Variants in SHANK2 observed in about 807,000 individuals in gnomAD.
SHANK2 encodes the protein SH3 and multiple ankyrin repeat domains protein 2.
Under a neutral mutation model 133.7 loss-of-function variants are expected in SHANK2, and 43 were observed. The observed-to-expected ratio is 0.32, with a 90% CI of 0.25 to 0.41. The LOEUF (loss-of-function observed/expected upper bound fraction) is 0.41. SHANK2 is among the 10% of genes least tolerant of loss of function. The pLI, the probability that SHANK2 is intolerant of heterozygous loss-of-function variation, is 1.00. For missense variants in SHANK2, 1,994 were observed against 2,235.8 expected (o/e 0.89, Z 2.18); for synonymous variants, 1,017 against 952.8 (o/e 1.07, Z -1.24).
intron 10 of SHANK2, among the ~76,000 whole-genome samples, chr11:70,945,353 G>C (rs1486124696): frequency 2.6e-5 from 4 of 152,268 alleles, no homozygotes; most frequent in African/African-American, 9.6e-5. Flanking sequence ...GGAGGTGAAG[G>C]CAGAAGGCTG....
At chr11:71,108,832 C>A (rs1018318597) in intron 6 of SHANK2, among the ~76,000 whole-genome samples, 1 of 152,226 alleles carries the variant, frequency 6.6e-6, no homozygotes, top group Admixed American at 6.5e-5. Context: ...GCTTCTCCTG[C>A]TGCTCACAGC....
intron 17 of SHANK2, among the ~76,000 whole-genome samples, chr11:70,592,775 G>A (rs782285364): frequency 8.5e-5 from 13 of 152,068 alleles, no homozygotes; most frequent in African/African-American, 1.7e-4. Context: ...AGGCAGCTGC[G>A]GATTCCCATC....
intron 14 of SHANK2, among the ~76,000 whole-genome samples, chr11:70,713,366 C>T (rs1945836311): frequency 6.6e-6 from 1 of 152,254 alleles, no homozygotes; most frequent in African/African-American, 2.4e-5. Flanking sequence ...TTAAGAAGAA[C>T]ACGGGTTACA....
At chr11:70,570,727 TGGG>T in intron 17 of SHANK2, 1 of 150,912 alleles carries the variant, frequency 6.6e-6, no homozygotes. Flanking sequence ...GAGTGGGGAG[TGGG>T]GAGTGGGGAA....
chr11:70,902,641 T>G (rs1950040243), intron 10 of SHANK2, among the ~76,000 whole-genome samples: 1 of 151,966 alleles, frequency 6.6e-6, no homozygotes, highest in African/African-American at 2.4e-5. Context: ...AAGTTTTGTG[T>G]GATGAGGGCA....
At chr11:71,135,853 G>C (rs187151194) in intron 3 of SHANK2, among the ~76,000 whole-genome samples, 26 of 152,244 alleles carry the variant, frequency 1.7e-4, no homozygotes, top group Admixed American at 5.2e-4. Flanking sequence ...ACCACCCAAG[G>C]CCTCACCTAG....
intron 10 of SHANK2, among the ~76,000 whole-genome samples, chr11:70,947,196 G>A (rs1312181092): frequency 6.9e-6 from 1 of 145,902 alleles, no homozygotes; most frequent in East Asian, 2.0e-4. Context: ...CACTCGTGAC[G>A]TTTCAAGGTT....
intron 14 of SHANK2, among the ~76,000 whole-genome samples, chr11:70,768,636 T>C (rs888767732): frequency 9.2e-5 from 14 of 152,154 alleles, no homozygotes; most frequent in African/African-American, 2.9e-4. Flanking sequence ...CCCTGAGTTA[T>C]TTATCTTGCA....
chr11:71,253,233 T>C (rs1555126199), upstream of SHANK2, among the ~76,000 whole-genome samples: 1 of 152,166 alleles, frequency 6.6e-6, no homozygotes, highest in Non-Finnish European at 1.5e-5. Flanking sequence ...AATCCTGTTA[T>C]TATCCAGGAC....
At chr11:71,100,703 C>T (rs1355399306) in intron 6 of SHANK2, among the ~76,000 whole-genome samples, 1 of 151,982 alleles carries the variant, frequency 6.6e-6, no homozygotes, top group Non-Finnish European at 1.5e-5. Flanking sequence ...CCCGTCTCTA[C>T]TAAAAATACA....
chr11:70,472,905 G>A lies in SHANK2; in HGVS notation c.5514C>T (p.Asn1838=), dbSNP rs782392393. ...LGVTRVGHRM[N]IERALKQLLD... ...GCAGCTGTTTCAAAGCCCTTTCTAT[G>A]TTCATTCTGTGCCCGACTCGAGTTA... The change falls in exon 26 of 26, where the codon AAC becomes AAT. Residue 1838 remains asparagine, a synonymous_variant. Transcript: ENST00000601538. The surrounding 1 kb of genome is among the most constrained non-coding windows in gnomAD (Gnocchi z 4.4). 5.6e-6 allele frequency: 9 copies of A among 1,614,202 alleles called. No homozygotes were observed. Among genetic ancestry groups the A allele is most frequent in the Non-Finnish European group, 6.8e-6 (8 of 1,180,032 alleles).
intron 17 of SHANK2, among the ~76,000 whole-genome samples, chr11:70,573,034 C>G (rs550871685): frequency 1.3e-5 from 2 of 152,210 alleles, no homozygotes; most frequent in African/African-American, 2.4e-5. Flanking sequence ...TGTGGGCCAT[C>G]GACATGATGA....
At chr11:70,877,335 A>G (rs1243484048) in intron 11 of SHANK2, among the ~76,000 whole-genome samples, 1 of 152,212 alleles carries the variant, frequency 6.6e-6, no homozygotes, top group African/African-American at 2.4e-5. Context: ...CACATAAGCC[A>G]AGAGGCTTCC....
intron 17 of SHANK2, among the ~76,000 whole-genome samples, chr11:70,547,427 A>C (rs1355543495): frequency 2.0e-5 from 3 of 152,032 alleles, no homozygotes; most frequent in Non-Finnish European, 4.4e-5. Context: ...CACCTGGCTA[A>C]TTTTTGTGTT....
At chr11:70,799,291 G>A (rs553772708) in intron 13 of SHANK2, among the ~76,000 whole-genome samples, 19 of 151,984 alleles carry the variant, frequency 1.3e-4, no homozygotes, top group Non-Finnish European at 2.2e-4. Flanking sequence ...TCAGCTACTC[G>A]CTCAGGAGGC....
At chr11:70,753,563 C>A (rs1285455496) in intron 14 of SHANK2, among the ~76,000 whole-genome samples, 2 of 151,510 alleles carry the variant, frequency 1.3e-5, no homozygotes, top group Non-Finnish European at 2.9e-5. Flanking sequence ...GTAGTTCTTT[C>A]AAAAGATCAA....
At chr11:71,159,038 T>C (rs1168188179) in intron 2 of SHANK2, among the ~76,000 whole-genome samples, 1 of 152,212 alleles carries the variant, frequency 6.6e-6, no homozygotes, top group African/African-American at 2.4e-5. Context: ...GATTCTGGCT[T>C]CTCAATAAAT....
intron 20 of SHANK2, among the ~76,000 whole-genome samples, chr11:70,501,113 T>C (rs2059044551): frequency 6.6e-6 from 1 of 152,112 alleles, no homozygotes; most frequent in African/African-American, 2.4e-5. Context: ...CTCCGTCGCC[T>C]GTGAGGCTGG....
At chr11:70,531,098 C>G (rs1188388242) in intron 17 of SHANK2, among the ~76,000 whole-genome samples, 2 of 123,092 alleles carry the variant, frequency 1.6e-5, no homozygotes, top group Non-Finnish European at 3.1e-5. Context: ...GTGGAGGTTG[C>G]AATGAGCCAA....
Sources: gnomAD v4.1 joint callset for allele counts (sites outside exome capture counted in the v4.1 genomes callset) on GRCh38, gnomAD v4.1.1 for gene constraint, Gnocchi (gnomAD v3.1) non-coding constraint, MANE v1.5 for transcripts, NCBI Gene and HGNC (gene_info 2026-07-23, HGNC 2026-07-21) for gene names.